RAD23B: variants seen among roughly 807,000 people sequenced by gnomAD.
RAD23B encodes the protein lysine-specific demethylase RAD23B.
Under a neutral mutation model 49.1 loss-of-function variants are expected in RAD23B, and 5 were observed. That is an observed-to-expected ratio of 0.10 (90% CI 0.05 to 0.21). RAD23B has a LOEUF of 0.21. Among genes scored for constraint, RAD23B ranks in the 10% least tolerant of loss-of-function variants. RAD23B has a pLI of 1.00. For synonymous variants in RAD23B, 184 were observed against 165.4 expected, an observed-to-expected ratio of 1.11 and a Z score of -0.86; for missense variants, 356 against 486.7, an observed-to-expected ratio of 0.73 and a Z score of 2.53.
intron 9 of RAD23B, among the ~76,000 whole-genome samples, chr9:107,328,606 G>C (rs1279700627): frequency 6.6e-6 from 1 of 152,192 alleles, no homozygotes. Context: ...GAGTGATGGG[G>C]AGTGGCTGTA....
chr9:107,283,711 G>GGAGGCA lies in RAD23B; in HGVS notation c.66+17_66+18insAGGCAG. 6.9e-7 allele frequency: 1 copy of GGAGGCA among 1,448,204 alleles called. No homozygotes were observed. Among genetic ancestry groups the GGAGGCA allele is most frequent in the Non-Finnish European group, 9.1e-7 (1 of 1,094,104 alleles). The allele number at this position is 1,448,204 out of a possible 1,614,324, so 89.7% of individuals were successfully genotyped here. On this transcript the variant is annotated intron_variant, in intron 1 of 9. Transcript: ENST00000358015. ...CGAGGAGACGGTATGCGCGCGGGCC[G>GGAGGCA]GGGGCAGGGGCAGCCGCGTGCGGGC... is the stretch of plus-strand genomic sequence containing the variant.
intron 1 of RAD23B, among the ~76,000 whole-genome samples, chr9:107,286,623 A>G (rs1248569742): frequency 2.0e-5 from 3 of 152,176 alleles, no homozygotes; most frequent in Non-Finnish European, 4.4e-5. Context: ...AGAAGGTGGT[A>G]TGTGTGGGGT....
At chr9:107,316,247 G>A (rs985718265) in intron 5 of RAD23B, among the ~76,000 whole-genome samples, 3 of 152,094 alleles carry the variant, frequency 2.0e-5, no homozygotes, top group African/African-American at 7.2e-5. Context: ...TCCTGATCTC[G>A]TGATCTGCCC....
chr9:107,309,852 A>G lies in RAD23B; in HGVS notation c.498-1830A>G, dbSNP rs1012399999. Among the ~76,000 whole-genome samples, 4 of 148,862 alleles carry G rather than the reference A, an allele frequency of 2.7e-5. No homozygotes were observed. The Admixed American group carries it at 2.7e-4, about 10-fold the overall frequency. On this transcript the variant is annotated intron_variant, in intron 4 of 9. Transcript: ENST00000358015. The stretch of plus-strand genomic sequence containing the variant: ...AGGCTGAGGCAGGAGAATGGCGTGA[A>G]CCCGGGAGGTGGAGCTTGCAGTGAG...
chr9:107,322,268 C>G, intron 7 of RAD23B, 150 bp downstream of exon 7: 3 of 1,013,572 alleles, frequency 3.0e-6, no homozygotes, highest in Non-Finnish European at 4.1e-6. Flanking sequence ...GAGAAAGGCC[C>G]AAAAGAAACT....
intron 1 of RAD23B, among the ~76,000 whole-genome samples, chr9:107,297,122 G>A (rs1326037607): frequency 6.6e-6 from 1 of 151,666 alleles, no homozygotes. Context: ...AAAGTGCTGG[G>A]ATTACAGGCA....
intron 1 of RAD23B, among the ~76,000 whole-genome samples, chr9:107,299,688 T>G (rs115926698): frequency 6.6e-6 from 1 of 152,216 alleles, no homozygotes; most frequent in African/African-American, 2.4e-5. Flanking sequence ...GTGATTGTAA[T>G]GAAACATAAC....
At chr9:107,314,066 G>A (rs1225564875) in intron 5 of RAD23B, among the ~76,000 whole-genome samples, 1 of 151,880 alleles carries the variant, frequency 6.6e-6, no homozygotes, top group Non-Finnish European at 1.5e-5. Flanking sequence ...TATTTCACTT[G>A]TACTCTTGCA....
chr9:107,295,080 G>A (rs917294455), intron 1 of RAD23B, among the ~76,000 whole-genome samples: 9 of 151,690 alleles, frequency 5.9e-5, no homozygotes, highest in African/African-American at 1.5e-4. Context: ...AATGGCCAGC[G>A]GTGGGTGGGG....
At chr9:107,290,593 T>C (rs116015244) in intron 1 of RAD23B, among the ~76,000 whole-genome samples, 1,959 of 152,342 alleles carry the variant, frequency 0.013, 52 homozygotes, top group African/African-American at 0.045. Context: ...AAAAAAGTCT[T>C]TCTCCTCTTT....
At chr9:107,303,852 G>C (rs1826707950) in intron 3 of RAD23B, among the ~76,000 whole-genome samples, 4 of 152,134 alleles carry the variant, frequency 2.6e-5, no homozygotes. Flanking sequence ...ATATTACAGT[G>C]ATCCTGACTG....
intron 5 of RAD23B, among the ~76,000 whole-genome samples, chr9:107,312,969 C>G (rs1826919122): frequency 6.6e-6 from 1 of 152,194 alleles, no homozygotes; most frequent in Admixed American, 6.5e-5. Context: ...TCTTCCCATT[C>G]TCAGCTTTAT....
chr9:107,284,060 G>T, intron 1 of RAD23B: 1 of 1,021,962 alleles, frequency 9.8e-7, no homozygotes, highest in Non-Finnish European at 1.2e-6. Context: ...ACAGGTGGGG[G>T]AGGGAGACGT....
chr9:107,325,608 C>A (rs1397755511), intron 9 of RAD23B, among the ~76,000 whole-genome samples: 1 of 152,152 alleles, frequency 6.6e-6, no homozygotes, highest in Non-Finnish European at 1.5e-5. Flanking sequence ...ATAAAACCTT[C>A]TTGAACTGTT....
At chr9:107,298,222 G>C (rs981937460) in intron 1 of RAD23B, among the ~76,000 whole-genome samples, 1 of 152,178 alleles carries the variant, frequency 6.6e-6, no homozygotes, top group African/African-American at 2.4e-5. Context: ...TAGGATAGCA[G>C]TCTTCAAATG....
chr9:107,318,207 G>A lies in RAD23B; in HGVS notation c.554-545G>A, dbSNP rs1283135402. Among the ~76,000 whole-genome samples, 1 of 152,190 alleles carries A rather than the reference G, an allele frequency of 6.6e-6. No homozygotes were observed. The highest frequency in any genetic ancestry group is 1.5e-5 in the Non-Finnish European group (1 of 68,034). ...TCTTCTAGTACTGTAGGTTAGAAGT[G>A]TGACACAGGGCTCACTGTACTAAAA... On this transcript the variant is annotated intron_variant, in intron 5 of 9. Coordinates refer to ENST00000358015, the MANE Select transcript of RAD23B (RefSeq NM_002874.5). This position sits in a 1 kb window ranked among gnomAD's most constrained non-coding sequence, Gnocchi z 4.3.
chr9:107,313,177 C>A (rs141988988), intron 5 of RAD23B, among the ~76,000 whole-genome samples: 22 of 152,148 alleles, frequency 1.4e-4, no homozygotes, highest in African/African-American at 4.8e-4. Flanking sequence ...CCTTCTCAAG[C>A]TTTCTAGTTA....
chr9:107,322,066 G>A lies in RAD23B; in HGVS notation c.765G>A (p.Val255=), dbSNP rs761326271. The part of the protein sequence containing the change: ...ASTGAPQSSA[V]AAAAATTTAT... ...CTGGGGCTCCTCAGTCTTCAGCAGT[G>A]GCTGCAGCTGCAGCAACTACGACAG... The change falls in exon 7 of 10, where the codon GTG becomes GTA. Residue 255 remains valine (V), a synonymous_variant. Coordinates refer to ENST00000358015, the MANE Select transcript of RAD23B (RefSeq NM_002874.5). The A allele has an allele frequency of 6.2e-7, 1 of 1,611,740 alleles. No homozygotes were observed. The highest frequency in any genetic ancestry group is 8.5e-7 in the Non-Finnish European group (1 of 1,178,920).
At chr9:107,308,283 A>G (rs977670030) in intron 4 of RAD23B, among the ~76,000 whole-genome samples, 1 of 149,634 alleles carries the variant, frequency 6.7e-6, no homozygotes, top group Non-Finnish European at 1.5e-5. Context: ...CAGTGGCGTG[A>G]CCTCGGCTCA....
Sources: gnomAD v4.1 joint callset for allele counts (sites outside exome capture counted in the v4.1 genomes callset) on GRCh38, gnomAD v4.1.1 for gene constraint, Gnocchi (gnomAD v3.1) non-coding constraint, MANE v1.5 for transcripts, NCBI Gene and HGNC (gene_info 2026-07-23, HGNC 2026-07-21) for gene names.